Variants in OTUD7A observed in about 807,000 individuals in gnomAD.
OTUD7A encodes OTU deubiquitinase 7A, also known as OTU domain-containing protein 7A.
A neutral mutation model predicts 65.7 loss-of-function variants in OTUD7A; 12 were observed. The observed-to-expected ratio is 0.18, with a 90% CI of 0.12 to 0.30. The LOEUF is 0.30. OTUD7A is among the 10% of genes least tolerant of loss of function. The pLI is 1.00. For missense variants in OTUD7A, 1,148 were observed against 1,304.8 expected (o/e 0.88, Z 1.85); for synonymous variants, 641 against 586.3 (o/e 1.09, Z -1.35).
chr15:31,822,691 C>A (rs1225469520), intron 1 of OTUD7A, among the ~76,000 whole-genome samples: 1 of 152,212 alleles, frequency 6.6e-6, no homozygotes, highest in Non-Finnish European at 1.5e-5. Flanking sequence ...GACTTTCTTA[C>A]ATAAGAGAGA....
chr15:31,617,838 T>G (rs1465351470), intron 3 of OTUD7A, among the ~76,000 whole-genome samples: 1 of 152,202 alleles, frequency 6.6e-6, no homozygotes, highest in East Asian at 1.9e-4. Flanking sequence ...TGCAGGTTTG[T>G]TACATATGTA....
chr15:31,747,885 G>GT (rs1894522345), intron 1 of OTUD7A, among the ~76,000 whole-genome samples: 1 of 152,128 alleles, frequency 6.6e-6, no homozygotes, highest in South Asian at 2.1e-4. Flanking sequence ...CATCACTTCC[G>GT]TGGCACTGCT....
chr15:31,801,395 C>T (rs1445359687), intron 1 of OTUD7A, among the ~76,000 whole-genome samples: 1 of 152,240 alleles, frequency 6.6e-6, no homozygotes, highest in African/African-American at 2.4e-5. Flanking sequence ...CCTCAGAAAA[C>T]AATTTGCCAG....
chr15:31,683,578 C>T (rs1196339613), intron 1 of OTUD7A, among the ~76,000 whole-genome samples: 2 of 152,118 alleles, frequency 1.3e-5, no homozygotes, highest in Non-Finnish European at 2.9e-5. Flanking sequence ...GATTACATAG[C>T]ATAGTGCCTG....
At chr15:31,833,912 T>G (rs1896993800) in intron 1 of OTUD7A, among the ~76,000 whole-genome samples, 1 of 152,230 alleles carries the variant, frequency 6.6e-6, no homozygotes, top group Admixed American at 6.5e-5. Context: ...GGCCCCGCTC[T>G]GCTTTTTGGG....
chr15:31,724,005 G>T (rs1893817586), intron 1 of OTUD7A, among the ~76,000 whole-genome samples: 1 of 135,590 alleles, frequency 7.4e-6, no homozygotes, highest in African/African-American at 2.8e-5. Flanking sequence ...TGTTGTTGTT[G>T]TTAATTGGCT....
At chr15:31,566,063 G>A (rs1049491253) in intron 4 of OTUD7A, among the ~76,000 whole-genome samples, 1 of 152,092 alleles carries the variant, frequency 6.6e-6, no homozygotes, top group African/African-American at 2.4e-5. Flanking sequence ...GTGGTGGCGG[G>A]TGCCTGTGTC....
At chr15:31,533,234 A>AT (rs71110888) in intron 5 of OTUD7A, among the ~76,000 whole-genome samples, 10,328 of 135,864 alleles carry the variant, frequency 0.076, 755 homozygotes, top group African/African-American at 0.19. Flanking sequence ...AGCAGGATAA[A>AT]TTTTTTTTTT....
intron 1 of OTUD7A, among the ~76,000 whole-genome samples, chr15:31,836,798 G>T (rs1429926278): frequency 6.6e-6 from 1 of 152,192 alleles, no homozygotes; most frequent in Non-Finnish European, 1.5e-5. Flanking sequence ...CAACATATGT[G>T]CATGATATAA....
At position 31,813,991 on chromosome 15, in the gene OTUD7A, T is replaced by C. The variant is rs564639159; in HGVS notation, c.-100+56516A>G. Among the ~76,000 whole-genome samples, 12 of 152,194 alleles carry C rather than the reference T, an allele frequency of 7.9e-5. No individual in the cohort carries two copies. In the East Asian group the frequency reaches 1.5e-3, roughly 20 times the overall value. Reference sequence around the variant, plus strand: ...GACACATGATCAGCCTGATAAGAAATTGGCAAGAAAAAATAAAAAAAGAAA... The same window carrying C: ...GACACATGATCAGCCTGATAAGAAACTGGCAAGAAAAAATAAAAAAAGAAA... On this transcript the variant is annotated intron_variant, in intron 1 of 12. Transcript: ENST00000307050.
At chr15:31,615,605 T>C (rs1890562147) in intron 3 of OTUD7A, among the ~76,000 whole-genome samples, 5 of 152,208 alleles carry the variant, frequency 3.3e-5, no homozygotes, top group African/African-American at 1.2e-4. Context: ...AATTAACATA[T>C]ACAGATCACT....
At chr15:31,492,582 CAAAAA>C (rs60414638) in intron 10 of OTUD7A, among the ~76,000 whole-genome samples, 2 of 121,656 alleles carry the variant, frequency 1.6e-5, no homozygotes, top group Admixed American at 8.4e-5. Flanking sequence ...GACTCTGTCT[CAAAAA>C]AAAAAAAAAA....
chr15:31,561,883 T>C (rs1231639938), intron 4 of OTUD7A, among the ~76,000 whole-genome samples: 1 of 152,028 alleles, frequency 6.6e-6, no homozygotes, highest in African/African-American at 2.4e-5. Flanking sequence ...GGAATTACCA[T>C]GATCAAAGTT....
chr15:31,514,922 G>A (rs2041819658), intron 8 of OTUD7A, among the ~76,000 whole-genome samples: 1 of 152,242 alleles, frequency 6.6e-6, no homozygotes, highest in African/African-American at 2.4e-5. Context: ...GCTCCTGGGT[G>A]TGCATTTTGA....
chr15:31,626,889 T>TG (rs991509246), intron 3 of OTUD7A, among the ~76,000 whole-genome samples: 12 of 150,464 alleles, frequency 8.0e-5, no homozygotes, highest in East Asian at 7.8e-4. Flanking sequence ...ATTTGTTTTT[T>TG]TTTTGTTTTG....
At chr15:31,619,897 G>A (rs1389951101) in intron 3 of OTUD7A, among the ~76,000 whole-genome samples, 1 of 152,206 alleles carries the variant, frequency 6.6e-6, no homozygotes, top group African/African-American at 2.4e-5. Context: ...GATATTGGCT[G>A]TGGGTCTGTA....
intron 1 of OTUD7A, among the ~76,000 whole-genome samples, chr15:31,834,951 A>T (rs930373745): frequency 6.6e-6 from 1 of 152,254 alleles, no homozygotes; most frequent in African/African-American, 2.4e-5. Flanking sequence ...GTGAGCAACG[A>T]TGGTGCAGGA....
At chr15:31,595,123 A>G (rs1240159051) in intron 3 of OTUD7A, among the ~76,000 whole-genome samples, 1 of 152,190 alleles carries the variant, frequency 6.6e-6, no homozygotes, top group African/African-American at 2.4e-5. Context: ...TCATTAGAAC[A>G]TCACGGTCAA....
At chr15:31,517,876 C>A (rs920724105) in intron 8 of OTUD7A, among the ~76,000 whole-genome samples, 4 of 152,134 alleles carry the variant, frequency 2.6e-5, no homozygotes, top group African/African-American at 9.7e-5. Context: ...TGGAGACCAT[C>A]CTCGGCAAGA....
Sources: allele counts gnomAD v4.1 joint callset (sites outside exome capture counted in the v4.1 genomes callset), GRCh38; gene constraint gnomAD v4.1.1; transcripts MANE v1.5; gene names NCBI Gene and HGNC (gene_info 2026-07-23, HGNC 2026-07-21).